Variants in GTF2I observed in about 807,000 individuals in gnomAD.
The protein encoded by GTF2I is general transcription factor IIi, also known as general transcription factor II-I.
Under a neutral mutation model 67.6 loss-of-function variants are expected in GTF2I, and 12 were observed. The ratio of observed to expected loss-of-function variants is 0.18; its 90% confidence interval spans 0.11 to 0.29. The LOEUF is 0.29. Ranked by LOEUF, GTF2I falls within the 10% of genes least tolerant of loss-of-function variation. The probability of loss-of-function intolerance (pLI) is 1.00; values close to 1 mark genes in which losing one functional copy is unlikely to be tolerated. For missense variants in GTF2I, 271 were observed against 580.1 expected (o/e 0.47, Z 5.47); for synonymous variants, 149 against 197.0 (o/e 0.76, Z 2.04).
chr7:74,670,151 T>C (rs782122768), intron 1 of GTF2I, among the ~76,000 whole-genome samples: 1 of 152,204 alleles, frequency 6.6e-6, no homozygotes, highest in Non-Finnish European at 1.5e-5. Context: ...AAATTATAAA[T>C]GCTTGCTCAT....
chr7:74,725,511 A>AC (rs1205734654), intron 12 of GTF2I, among the ~76,000 whole-genome samples: 3 of 143,492 alleles, frequency 2.1e-5, no homozygotes, highest in Admixed American at 1.4e-4. Context: ...ACATAGGGGG[A>AC]CCCCTATCTC....
At chr7:74,697,202 G>A (rs1789013158) in intron 3 of GTF2I, among the ~76,000 whole-genome samples, 1 of 151,960 alleles carries the variant, frequency 6.6e-6, no homozygotes, top group South Asian at 2.1e-4. Flanking sequence ...TCGAGACCAT[G>A]TGGCCAACAT....
intron 6 of GTF2I, 59 bp from the exon 7 acceptor site, chr7:74,705,105 A>G: frequency 1.0e-6 from 1 of 999,296 alleles, no homozygotes; most frequent in Non-Finnish European, 1.6e-6. Context: ...TAAAGCCTTT[A>G]GACATATTAT....
At chr7:74,665,045 T>G (rs1313297773) in intron 1 of GTF2I, among the ~76,000 whole-genome samples, 2 of 151,706 alleles carry the variant, frequency 1.3e-5, no homozygotes, top group Non-Finnish European at 2.9e-5. Context: ...GTTCAAGCGA[T>G]TTTCCTGCCT....
chr7:74,700,454 C>A, intron 5 of GTF2I, 24 bp downstream of exon 5: 2 of 1,612,452 alleles, frequency 1.2e-6, no homozygotes, highest in Non-Finnish European at 1.7e-6. Flanking sequence ...TCCCTTTGTA[C>A]CCATCAACAG....
intron 16 of GTF2I, among the ~76,000 whole-genome samples, chr7:74,734,509 G>C (rs782132659): frequency 6.6e-6 from 1 of 151,978 alleles, no homozygotes; most frequent in Non-Finnish European, 1.5e-5. Context: ...GCAACCTCCC[G>C]CCTCCTGGGT....
chr7:74,723,428 C>CCTTTTTTTTT (rs1793319970), intron 12 of GTF2I, among the ~76,000 whole-genome samples: 11 of 61,072 alleles, frequency 1.8e-4, no homozygotes, highest in African/African-American at 8.3e-4. Flanking sequence ...CTCCCGGCCT[C>CCTTTTTTTTT]TTTTTTTTTT....
chr7:74,712,652 C>CTT lies in GTF2I; in HGVS notation c.763+1559_763+1560dup, dbSNP rs67504763. Among the ~76,000 whole-genome samples, 453 of 114,166 alleles carry CTT rather than the reference C, an allele frequency of 4.0e-3. 8 individuals are homozygous for CTT. Among genetic ancestry groups the CTT allele is most frequent in the African/African-American group, 9.8e-3 (290 of 29,698 alleles). 74.9% of individuals were successfully genotyped at this position (114,166 alleles called of 152,430 possible). A position where few individuals can be genotyped will look rare whatever the true frequency, so the allele number is the denominator to read the frequency against. On this transcript the variant is annotated intron_variant, in intron 9 of 34. Coordinates refer to ENST00000573035, the MANE Select transcript of GTF2I (RefSeq NM_032999.4). ...CTCAATTTAAGTTTTCAAGATTTAT[C>CTT]TTTTTTTTTTTTTTTTTGGCGTGGG...
At chr7:74,692,105 C>T (rs1178282445) in intron 3 of GTF2I, among the ~76,000 whole-genome samples, 2 of 141,790 alleles carry the variant, frequency 1.4e-5, no homozygotes, top group African/African-American at 5.3e-5. Flanking sequence ...GATGGGGTCT[C>T]GCTCCGTCAC....
chr7:74,701,164 C>T (rs587649604), intron 6 of GTF2I, among the ~76,000 whole-genome samples: 1 of 152,222 alleles, frequency 6.6e-6, no homozygotes, highest in South Asian at 2.1e-4. Flanking sequence ...CCAGGAAGGG[C>T]GTTTGAAGAA....
intron 1 of GTF2I, among the ~76,000 whole-genome samples, chr7:74,659,614 CTT>C (rs1804290349): frequency 6.6e-6 from 1 of 152,066 alleles, no homozygotes; most frequent in Non-Finnish European, 1.5e-5. Flanking sequence ...GTCTCCAACT[CTT>C]GAATCAAGCT....
chr7:74,698,876 C>T (rs910596522), intron 3 of GTF2I, 85 bp from the exon 4 acceptor site: 17 of 577,946 alleles, frequency 2.9e-5, no homozygotes, highest in South Asian at 1.6e-4. Flanking sequence ...TACAGGAAAA[C>T]GATTTTTACT....
At chr7:74,713,196 A>G (rs1237551354) in intron 9 of GTF2I, among the ~76,000 whole-genome samples, 2 of 152,208 alleles carry the variant, frequency 1.3e-5, no homozygotes, top group Non-Finnish European at 2.9e-5. Flanking sequence ...TAGTTTAGCA[A>G]TATTGGAAGC....
chr7:74,689,706 G>A (rs1356591619), intron 2 of GTF2I, among the ~76,000 whole-genome samples: 3 of 150,930 alleles, frequency 2.0e-5, no homozygotes, highest in African/African-American at 4.9e-5. Context: ...TCACATCACA[G>A]TCATTCATTC....
chr7:74,688,812 G>C, intron 1 of GTF2I: 1 of 285,512 alleles, frequency 3.5e-6, no homozygotes, highest in Non-Finnish European at 6.6e-6. Flanking sequence ...CCGTCACTGG[G>C]CTGTAAAGTG....
rs1283124989 is a variant in GTF2I, at chr7:74,691,043, T to C, written c.170T>C (p.Val57Ala). 2 of 1,613,310 alleles carry C rather than the reference T, an allele frequency of 1.2e-6. No individual in the cohort carries two copies. The highest frequency in any genetic ancestry group is 1.7e-6 in the Non-Finnish European group (2 of 1,179,502). ...GTGTATGAAACAGACGTGTTTGTCG[T>C]CGGAACTGAAAGAGGACGTGCTTTT... ...IAVYETDVFV[V>A]GTERGRAFVN... The change falls in exon 3 of 35, where the codon GTC becomes GCC. Residue 57 changes from valine to alanine, a missense_variant. Physicochemically the swap from Val to Ala is moderately conservative, Grantham distance 64. Transcript: ENST00000573035.
chr7:74,728,068 G>A (rs1290802157), intron 12 of GTF2I: 3 of 152,506 alleles, frequency 2.0e-5, no homozygotes, highest in Non-Finnish European at 2.9e-5. Context: ...GGGTGGCCGA[G>A]GTGGGTGGAT....
At chr7:74,686,858 A>C (rs1366421811) in intron 1 of GTF2I, among the ~76,000 whole-genome samples, 1 of 151,944 alleles carries the variant, frequency 6.6e-6, no homozygotes. Context: ...TGTTTGTTCA[A>C]ATATATGGGG....
chr7:74,707,670 A>G (rs1395601111), intron 8 of GTF2I, among the ~76,000 whole-genome samples: 6 of 152,068 alleles, frequency 3.9e-5, no homozygotes, highest in Non-Finnish European at 7.4e-5. Context: ...TTTTCACTCC[A>G]TAGGAAATCT....
Sources: allele counts gnomAD v4.1 joint callset (sites outside exome capture counted in the v4.1 genomes callset), GRCh38; gene constraint gnomAD v4.1.1; transcripts MANE v1.5; gene names NCBI Gene and HGNC (gene_info 2026-07-23, HGNC 2026-07-21).